The following LRRC7 variants were observed in gnomAD, a reference collection of about 807,000 sequenced individuals.
LRRC7 encodes the protein leucine-rich repeat-containing protein 7.
Under a neutral mutation model 175.7 loss-of-function variants are expected in LRRC7, and 23 were observed. The observed-to-expected ratio is 0.13, with a 90% confidence interval of 0.09 to 0.19. LRRC7 has a LOEUF of 0.19. Ranked by LOEUF, LRRC7 falls within the 10% of genes least tolerant of loss-of-function variation. The pLI is 1.00. For missense variants in LRRC7, 1,354 were observed against 1,904.7 expected, an observed-to-expected ratio of 0.71 and a Z score of 5.38; for synonymous variants, 685 against 680.9, an observed-to-expected ratio of 1.01 and a Z score of -0.09.
chr1:69,631,752 T>C (rs1749473), intron 1 of LRRC7, among the ~76,000 whole-genome samples: 19,518 of 152,072 alleles, frequency 0.13, 1,601 homozygotes, highest in South Asian at 0.19. Context: ...TCTACCACTT[T>C]TCCTAAAAGC....
intron 2 of LRRC7, among the ~76,000 whole-genome samples, chr1:69,687,263 C>G (rs529956833): frequency 2.9e-4 from 44 of 152,186 alleles, no homozygotes; most frequent in African/African-American, 9.4e-4. Context: ...AATCCCAGCA[C>G]TTTGGCAGGC....
In LRRC7 at chr1:69,831,973, A is replaced by G. The variant is rs554300525; in HGVS notation, c.501-2807A>G. On this transcript the variant is annotated intron_variant, in intron 5 of 26. Coordinates refer to ENST00000651989, the MANE Select transcript of LRRC7 (RefSeq NM_001370785.2). ...TTAAATTTGCAGTTTCAAAGAACCT[A>G]TCAATGACATTGAGGACTTATTACT... 2.1e-4 allele frequency among the ~76,000 whole-genome samples: 32 copies of G among 152,302 alleles called. No homozygotes were observed. In the South Asian group the frequency reaches 5.8e-3, roughly 28 times the overall value.
At chr1:69,904,104 C>T (rs991808601) in intron 7 of LRRC7, among the ~76,000 whole-genome samples, 3 of 152,056 alleles carry the variant, frequency 2.0e-5, no homozygotes, top group African/African-American at 4.8e-5. Flanking sequence ...TATTTATAGA[C>T]ACTATTCACA....
rs1182419402 is a variant in LRRC7, at chr1:69,825,698, A to G, written c.422-50A>G. On this transcript the variant is annotated intron_variant, in intron 4 of 26. Coordinates refer to ENST00000651989, the MANE Select transcript of LRRC7 (RefSeq NM_001370785.2). ...TCTAAATATTAGAACTATAGTTTAA[A>G]GAATATTTGTTGGAACATTTTCATG... The G allele has an allele frequency of 2.5e-6, 3 of 1,222,676 alleles. No individual in the cohort carries two copies. The South Asian group carries it at 4.0e-5, about 16-fold the overall frequency. 75.7% of individuals were successfully genotyped at this position (1,222,676 alleles called of 1,614,324 possible).
intron 7 of LRRC7, among the ~76,000 whole-genome samples, chr1:69,863,984 C>T (rs1570396110): frequency 3.3e-5 from 5 of 152,178 alleles, no homozygotes; most frequent in African/African-American, 7.2e-5. Flanking sequence ...CTAAATTACA[C>T]TCTTATCTTG....
intron 25 of LRRC7, among the ~76,000 whole-genome samples, chr1:70,096,281 A>G (rs1664391741): frequency 6.6e-6 from 1 of 152,160 alleles, no homozygotes; most frequent in South Asian, 2.1e-4. Context: ...TTGCCTATGC[A>G]TTTATTTAAT....
At chr1:69,988,623 G>T (rs116372095) in intron 10 of LRRC7, among the ~76,000 whole-genome samples, 1 of 152,080 alleles carries the variant, frequency 6.6e-6, no homozygotes, top group Admixed American at 6.6e-5. Flanking sequence ...AGATTAGGGC[G>T]GGACCTCTTT....
chr1:69,626,828 G>A (rs1183558743), intron 1 of LRRC7, among the ~76,000 whole-genome samples: 1 of 150,504 alleles, frequency 6.6e-6, no homozygotes, highest in Non-Finnish European at 1.5e-5. Context: ...GCGGTGTTTT[G>A]TTTTTTGTCC....
intron 3 of LRRC7, among the ~76,000 whole-genome samples, chr1:69,770,309 A>G (rs1457896079): frequency 1.3e-5 from 2 of 152,196 alleles, no homozygotes; most frequent in Non-Finnish European, 2.9e-5. Context: ...TCATTCACTG[A>G]TATTTGTAAC....
At chr1:69,701,126 A>G (rs1230803271) in intron 2 of LRRC7, among the ~76,000 whole-genome samples, 1 of 152,198 alleles carries the variant, frequency 6.6e-6, no homozygotes, top group African/African-American at 2.4e-5. Context: ...AAAATTATGG[A>G]TGAAAGGTAC....
rs554903946 is a variant in LRRC7 at position 69,700,523 on chromosome 1, C to G, written c.100+22045C>G. Among the ~76,000 whole-genome samples, 3 of 152,290 alleles carry G rather than the reference C, an allele frequency of 2.0e-5. No homozygotes were observed. In the South Asian group the frequency reaches 6.2e-4, roughly 32 times the overall value. ...GAATCCCACATTAACCTTCATGTCT[C>G]CTTCCTCACAGCATAGGACAGGAAT... On this transcript the variant is annotated intron_variant, in intron 2 of 26. Coordinates refer to ENST00000651989, the MANE Select transcript of LRRC7 (RefSeq NM_001370785.2).
Position 70,133,076 on chromosome 1 carries a change from TC to T in LRRC7, c.*11191del, listed in dbSNP as rs34510696. Among the ~76,000 whole-genome samples the T allele has an allele frequency of 6.6e-6, 1 of 152,284 alleles. No individual in the cohort carries two copies. The highest frequency in any genetic ancestry group is 1.9e-4 in the East Asian group (1 of 5,176). Reference sequence around the variant, plus strand: ...CTATCCTCATATTTAGTTGTACACATCCGCATACTCTTTTAAAGAAACATGT... The same window carrying T: ...CTATCCTCATATTTAGTTGTACACATCGCATACTCTTTTAAAGAAACATGT... On this transcript the variant is annotated 3_prime_UTR_variant, in exon 27 of 27. Coordinates refer to ENST00000651989, the MANE Select transcript of LRRC7 (RefSeq NM_001370785.2).
chr1:69,930,890 C>G (rs998239428), intron 7 of LRRC7, among the ~76,000 whole-genome samples: 1 of 149,764 alleles, frequency 6.7e-6, no homozygotes, highest in African/African-American at 2.5e-5. Context: ...GAGAAACCAC[C>G]CCCATGATCC....
intron 17 of LRRC7, among the ~76,000 whole-genome samples, chr1:70,025,892 C>T (rs554466884): frequency 6.6e-6 from 1 of 151,948 alleles, no homozygotes; most frequent in East Asian, 1.9e-4. Flanking sequence ...AATAGGGTCC[C>T]TCACAAGACT....
chr1:69,824,570 A>T (rs1348855721), intron 4 of LRRC7, among the ~76,000 whole-genome samples: 5 of 151,922 alleles, frequency 3.3e-5, no homozygotes. Flanking sequence ...CGCAAACCCC[A>T]CTTTGTACCC....
At chr1:69,619,841 T>A (rs1428653058) in intron 1 of LRRC7, among the ~76,000 whole-genome samples, 2 of 152,192 alleles carry the variant, frequency 1.3e-5, no homozygotes, top group Non-Finnish European at 2.9e-5. Context: ...TATAACTCAG[T>A]GAACCAGTAG....
intron 1 of LRRC7, among the ~76,000 whole-genome samples, chr1:69,649,130 C>T (rs1484033230): frequency 6.6e-6 from 1 of 152,178 alleles, no homozygotes; most frequent in Non-Finnish European, 1.5e-5. Context: ...GATTCTGTCT[C>T]ACTCACTATA....
intron 3 of LRRC7, among the ~76,000 whole-genome samples, chr1:69,778,304 A>G (rs982800226): frequency 7.9e-5 from 12 of 152,176 alleles, no homozygotes; most frequent in Non-Finnish European, 2.9e-5. Flanking sequence ...TGTTCCAGGG[A>G]AACAAAGGTG....
chr1:69,620,249 A>G (rs752009931), intron 1 of LRRC7, among the ~76,000 whole-genome samples: 3 of 125,406 alleles, frequency 2.4e-5, no homozygotes, highest in Non-Finnish European at 4.9e-5. Context: ...ATGACTTTAA[A>G]TGGATTGATA....
Sources: gnomAD v4.1 joint callset for allele counts (sites outside exome capture counted in the v4.1 genomes callset) on GRCh38, gnomAD v4.1.1 for gene constraint, MANE v1.5 for transcripts, NCBI Gene and HGNC (gene_info 2026-07-23, HGNC 2026-07-21) for gene names.